Variants in FSD2 observed in about 807,000 individuals in gnomAD.
The protein encoded by FSD2 is fibronectin type III and SPRY domain-containing protein 2.
In FSD2, 71 loss-of-function variants were observed where a neutral mutation model predicts 80.4. The observed-to-expected ratio is 0.88, with a 90% CI of 0.73 to 1.08. The LOEUF (loss-of-function observed/expected upper bound fraction) is 1.08, where lower values mean the gene tolerates loss of function less well. FSD2 is among the 50% of genes least tolerant of loss of function. The pLI is 0.00. For synonymous variants in FSD2, 361 were observed against 329.5 expected, an observed-to-expected ratio of 1.10 and a Z score of -1.03; for missense variants, 923 against 913.8, an observed-to-expected ratio of 1.01 and a Z score of -0.13.
intron 3 of FSD2, 33 bp from the exon 4 acceptor site, chr15:82,783,058 G>C (rs896809191): frequency 6.9e-7 from 1 of 1,452,808 alleles, no homozygotes; most frequent in Non-Finnish European, 9.6e-7. Context: ...CATCATTTCA[G>C]CGCATGTAGT....
At chr15:82,774,738 T>G (rs946820334) in intron 6 of FSD2, among the ~76,000 whole-genome samples, 2 of 152,066 alleles carry the variant, frequency 1.3e-5, no homozygotes, top group Non-Finnish European at 2.9e-5. Context: ...TTTTTCTTTT[T>G]TTGAGACGGA....
At chr15:82,782,574 C>T (rs146518160) in intron 4 of FSD2, among the ~76,000 whole-genome samples, 4 of 152,250 alleles carry the variant, frequency 2.6e-5, no homozygotes, top group East Asian at 1.9e-4. Flanking sequence ...GCTGTGAGTC[C>T]GCCTGGCCAC....
intron 1 of FSD2, among the ~76,000 whole-genome samples, chr15:82,798,340 G>A (rs1336640338): frequency 6.6e-6 from 1 of 152,070 alleles, no homozygotes; most frequent in Non-Finnish European, 1.5e-5. Flanking sequence ...GCAAGACCCT[G>A]TCAGAAGATA....
chr15:82,768,851 C>G (rs953307070), intron 9 of FSD2, 29 bp downstream of exon 9: 2 of 1,456,008 alleles, frequency 1.4e-6, no homozygotes, highest in South Asian at 1.7e-5. Flanking sequence ...TCAGGGCTCT[C>G]GTGCCCAGCA....
Position 82,762,279 on chromosome 15 carries a change from C to A in FSD2, c.1821-1G>T. 3.7e-6 allele frequency: 6 copies of A among 1,613,138 alleles called. No individual in the cohort carries two copies. Among genetic ancestry groups the A allele is most frequent in the Non-Finnish European group, 4.2e-6 (5 of 1,179,444 alleles). On this transcript the variant is annotated splice_acceptor_variant, in intron 11 of 12. Coordinates refer to ENST00000334574, the MANE Select transcript of FSD2 (RefSeq NM_001007122.4). LOFTEE classifies it high-confidence loss of function. ...TAGATTTCCCATGACAGCAACACACCTGGTTTTAGAAAGTGGAAGCATGTG... is the reference window on the plus strand; with the variant it reads ...TAGATTTCCCATGACAGCAACACACATGGTTTTAGAAAGTGGAAGCATGTG...
At chr15:82,785,571 G>A (rs1009344915) in intron 3 of FSD2, among the ~76,000 whole-genome samples, 5 of 152,158 alleles carry the variant, frequency 3.3e-5, no homozygotes, top group South Asian at 4.2e-4. Flanking sequence ...TGATCCACCC[G>A]CCTTGGCCTC....
rs372006835 is a variant in FSD2 at position 82,762,257 on chromosome 15, A to G, written c.1842T>C (p.Asn614=). Residue 614 remains asparagine (N), a synonymous_variant, in exon 12 of 13, where the codon AAT becomes AAC. Transcript: ENST00000334574. ...HFTRCVAVMG[N]LIPVRGHHYW... The stretch of plus-strand genomic sequence containing the variant: ...AATGGTGCCCTCGGACTGGAATTAG[A>G]TTTCCCATGACAGCAACACACCTGG... 8.7e-6 allele frequency: 14 copies of G among 1,613,734 alleles called. No homozygotes were observed. In the African/African-American group the frequency reaches 1.9e-4, roughly 22 times the overall value.
chr15:82,779,969 T>A (rs1313419177), intron 5 of FSD2, among the ~76,000 whole-genome samples: 19 of 152,142 alleles, frequency 1.2e-4, no homozygotes, highest in Non-Finnish European at 4.4e-5. Flanking sequence ...ATCTCAGTTC[T>A]TTCTGGTGAA....
chr15:82,772,691 G>A (rs1251047096), intron 6 of FSD2, among the ~76,000 whole-genome samples: 1 of 152,166 alleles, frequency 6.6e-6, no homozygotes, highest in Admixed American at 6.5e-5. Flanking sequence ...GATTGGGGTG[G>A]CCCAATTGTG....
intron 3 of FSD2, 70 bp from the exon 4 acceptor site, chr15:82,783,095 GT>G: frequency 2.6e-6 from 3 of 1,172,152 alleles, no homozygotes; most frequent in Non-Finnish European, 2.5e-6. Flanking sequence ...TTTGTTTTTT[GT>G]TTTTTTGTTT....
intron 12 of FSD2, among the ~76,000 whole-genome samples, chr15:82,760,094 G>A (rs764204098): frequency 2.0e-5 from 3 of 152,224 alleles, no homozygotes; most frequent in Admixed American, 6.5e-5. Context: ...GCTTCTGGCC[G>A]AAACATTTTT....
rs11286584 is a variant in FSD2, at chr15:82,797,020, T to TAA, written c.-79+8944_-79+8945dup. Among the ~76,000 whole-genome samples the TAA allele has an allele frequency of 2.7e-4, 26 of 97,334 alleles. 1 individual carries two copies. The highest frequency in any genetic ancestry group is 3.9e-4 in the South Asian group (1 of 2,558). The allele number at this position is 97,334 out of a possible 152,430, so 63.9% of individuals were successfully genotyped here. On this transcript the variant is annotated intron_variant, in intron 1 of 12. Coordinates refer to ENST00000334574, the MANE Select transcript of FSD2 (RefSeq NM_001007122.4). ...CTGTAAGATTTCATTGCTTGGTAATTAAAAAAAAAAAAAAAAAAAAACACC... is the reference window on the plus strand; with the variant it reads ...CTGTAAGATTTCATTGCTTGGTAATTAAAAAAAAAAAAAAAAAAAAAAACACC...
At chr15:82,789,277 G>A (rs924119780) in intron 1 of FSD2, among the ~76,000 whole-genome samples, 15 of 151,584 alleles carry the variant, frequency 9.9e-5, no homozygotes, top group Non-Finnish European at 2.1e-4. Flanking sequence ...ATGATGTTAA[G>A]CAAAATAAAC....
intron 12 of FSD2, among the ~76,000 whole-genome samples, chr15:82,761,241 G>C (rs757688230): frequency 6.6e-6 from 1 of 152,212 alleles, no homozygotes; most frequent in Admixed American, 6.5e-5. Flanking sequence ...TACAAGGTGT[G>C]ATAGGAAAGC....
At chr15:82,805,040 C>G (rs2050496206) in intron 1 of FSD2, among the ~76,000 whole-genome samples, 1 of 151,822 alleles carries the variant, frequency 6.6e-6, no homozygotes, top group Non-Finnish European at 1.5e-5. Context: ...ACCCTTTCCT[C>G]TATGCCAAGG....
chr15:82,800,691 C>CA (rs769762172), intron 1 of FSD2, among the ~76,000 whole-genome samples: 771 of 47,618 alleles, frequency 0.016, 38 homozygotes, highest in East Asian at 0.034. Flanking sequence ...GATTCTGTCT[C>CA]AAAAAAAAAA....
intron 1 of FSD2, among the ~76,000 whole-genome samples, chr15:82,804,840 T>C (rs1376425814): frequency 2.0e-5 from 3 of 152,132 alleles, no homozygotes; most frequent in South Asian, 2.1e-4. Context: ...AGTGTCAAAG[T>C]AGGAATTTTG....
At chr15:82,799,447 C>T (rs2050358635) in intron 1 of FSD2, among the ~76,000 whole-genome samples, 1 of 152,190 alleles carries the variant, frequency 6.6e-6, no homozygotes, top group Non-Finnish European at 1.5e-5. Flanking sequence ...TAGGTGATCT[C>T]ATCCAGTCTC....
intron 3 of FSD2, among the ~76,000 whole-genome samples, chr15:82,784,222 TAAG>T (rs933001149): frequency 1.0e-4 from 15 of 149,358 alleles, no homozygotes; most frequent in Non-Finnish European, 2.1e-4. Context: ...GAGCAGCATG[TAAG>T]AAGTTTTTTA....
Sources: allele counts gnomAD v4.1 joint callset (sites outside exome capture counted in the v4.1 genomes callset), GRCh38; gene constraint gnomAD v4.1.1; transcripts MANE v1.5; gene names NCBI Gene and HGNC (gene_info 2026-07-23, HGNC 2026-07-21).